CTBP2: variants seen among roughly 807,000 people sequenced by gnomAD.
The protein encoded by CTBP2 is C-terminal binding protein 2.
CTBP2 carries 30 observed loss-of-function variants against 80.3 expected under a neutral mutation model. The ratio of observed to expected loss-of-function variants is 0.37; its 90% CI spans 0.28 to 0.51. The LOEUF (loss-of-function observed/expected upper bound fraction) is 0.51, where lower values mean the gene tolerates loss of function less well. CTBP2 is among the 20% of genes least tolerant of loss of function. The pLI, the probability that CTBP2 is intolerant of heterozygous loss-of-function variation, is 0.93. For synonymous variants in CTBP2, 594 were observed against 587.4 expected (o/e 1.01, Z -0.16); for missense variants, 1,212 against 1,375.3 (o/e 0.88, Z 1.88).
chr10:125,033,269 C>T (rs1355017122), intron 3 of CTBP2, among the ~76,000 whole-genome samples: 1 of 152,212 alleles, frequency 6.6e-6, no homozygotes, highest in Non-Finnish European at 1.5e-5. Flanking sequence ...TCTTCACAGC[C>T]CAGCTGGGGT....
intron 3 of CTBP2, among the ~76,000 whole-genome samples, chr10:125,035,171 GA>G (rs1274896398): frequency 6.6e-6 from 1 of 152,222 alleles, no homozygotes; most frequent in Non-Finnish European, 1.5e-5. Context: ...CGACAAAGGT[GA>G]TGCAGAATGA....
intron 2 of CTBP2, among the ~76,000 whole-genome samples, chr10:125,046,886 T>C (rs1961391052): frequency 6.6e-6 from 1 of 152,240 alleles, no homozygotes; most frequent in African/African-American, 2.4e-5. Context: ...ATACATTTCC[T>C]CGTGTTAAAT....
chr10:125,021,295 C>T lies in CTBP2; in HGVS notation c.1678+4787G>A, dbSNP rs566679384. On this transcript the variant is annotated intron_variant, in intron 1 of 8. Coordinates refer to ENST00000309035, the MANE Select transcript of CTBP2 (RefSeq NM_022802.3). ...AGAAGCAGAGGAAACAGGTTCAAGA[C>T]CTACCCCCTTTGACAGACATGGAAA... is the stretch of plus-strand genomic sequence containing the variant. Among the ~76,000 whole-genome samples the T allele has an allele frequency of 2.2e-4, 34 of 152,338 alleles. 1 individual carries two copies. In the South Asian group the frequency reaches 7.0e-3, roughly 32 times the overall value.
chr10:125,076,757 A>C (rs893551295), intron 2 of CTBP2, among the ~76,000 whole-genome samples: 2 of 152,226 alleles, frequency 1.3e-5, no homozygotes, highest in African/African-American at 4.8e-5. Context: ...AGCAGGGGTT[A>C]ACAATTTTAT....
chr10:125,048,361 A>C (rs1374608444), intron 2 of CTBP2, among the ~76,000 whole-genome samples: 1 of 152,194 alleles, frequency 6.6e-6, no homozygotes, highest in Non-Finnish European at 1.5e-5. Flanking sequence ...GGAGAAAATA[A>C]GATCAGCTAC....
intron 2 of CTBP2, among the ~76,000 whole-genome samples, chr10:125,100,156 T>C (rs2135800489): frequency 6.6e-6 from 1 of 152,352 alleles, no homozygotes; most frequent in African/African-American, 2.4e-5. Flanking sequence ...TACTTCCATT[T>C]TCCCTTGACA....
intron 1 of CTBP2, among the ~76,000 whole-genome samples, chr10:125,121,373 G>A (rs1008446150): frequency 2.0e-5 from 3 of 152,184 alleles, no homozygotes; most frequent in African/African-American, 7.2e-5. Context: ...GTCCTGGAAA[G>A]AAAAGAGGCC....
intron 2 of CTBP2, 83 bp from the exon 3 acceptor site, chr10:125,039,238 T>C: frequency 3.7e-6 from 2 of 538,318 alleles, no homozygotes; most frequent in South Asian, 5.2e-5. Flanking sequence ...TAACTGCTAC[T>C]TTCTATAAGG....
Position 125,051,512 on chromosome 10 carries a change from C to T in CTBP2, c.-101-12357G>A, listed in dbSNP as rs1348289516. Among the ~76,000 whole-genome samples the T allele has an allele frequency of 2.0e-5, 3 of 152,030 alleles. No individual in the cohort carries two copies. The East Asian group carries it at 5.8e-4, about 29-fold the overall frequency. ...AAAATTAGCCAGGTGTGGTGGTGGG[C>T]ACCTGTAATCCCAGCTACTCAGGAG... On this transcript the variant is annotated intron_variant, in intron 2 of 10. Coordinates refer to the CTBP2 transcript ENST00000337195.
At chr10:125,006,972 A>C (rs1955323256) in intron 1 of CTBP2, among the ~76,000 whole-genome samples, 1 of 152,146 alleles carries the variant, frequency 6.6e-6, no homozygotes. Flanking sequence ...TGTTCTTCCC[A>C]CTTCACAGCC....
At chr10:124,994,108 C>A in intron 5 of CTBP2, 123 bp from the exon 8 acceptor site, 2 of 1,339,160 alleles carry the variant, frequency 1.5e-6, no homozygotes, top group South Asian at 2.7e-5. Context: ...GTGTGTGCTG[C>A]AGTTTGAGGG....
chr10:124,985,360 T>TTA lies in CTBP2; in HGVS notation c.*4156_*4157dup, dbSNP rs906790643. The stretch of plus-strand genomic sequence containing the variant: ...AGAAAATTTTTTCCAGCATGGGCAC[T>TTA]TAGAAAAAGCACATGGCAAATGGCT... On this transcript the variant is annotated 3_prime_UTR_variant, in exon 9 of 9. Coordinates refer to ENST00000309035, the MANE Select transcript of CTBP2 (RefSeq NM_022802.3). The TTA allele has an allele frequency of 1.7e-5, 3 of 171,432 alleles. No individual in the cohort carries two copies. The highest frequency in any genetic ancestry group is 7.1e-5 in the African/African-American group (3 of 41,970). The allele number at this position is 171,432 out of a possible 1,614,324, so 10.6% of individuals were successfully genotyped here. A position where few individuals can be genotyped will look rare whatever the true frequency, so the allele number is the denominator to read the frequency against.
At chr10:125,060,490 G>A (rs1326671224) in intron 2 of CTBP2, among the ~76,000 whole-genome samples, 1 of 151,596 alleles carries the variant, frequency 6.6e-6, no homozygotes. Context: ...GTGTGTGTGT[G>A]TGTGTGTGTG....
At chr10:125,095,793 G>A (rs990922168) in intron 2 of CTBP2, among the ~76,000 whole-genome samples, 1 of 152,202 alleles carries the variant, frequency 6.6e-6, no homozygotes, top group African/African-American at 2.4e-5. Flanking sequence ...GTTTCTGTAG[G>A]AAGTAGTAGG....
intron 2 of CTBP2, among the ~76,000 whole-genome samples, chr10:125,076,367 TCAGCTCTGGCCCCTA>T (rs1420251199): frequency 6.6e-6 from 1 of 152,168 alleles, no homozygotes; most frequent in East Asian, 1.9e-4. Flanking sequence ...CATCGCCCAG[TCAGCTCTGGCCCCTA>T]CACACCATGG....
At chr10:125,140,442 G>C (rs145531896) in intron 1 of CTBP2, among the ~76,000 whole-genome samples, 1 of 152,240 alleles carries the variant, frequency 6.6e-6, no homozygotes, top group East Asian at 1.9e-4. Flanking sequence ...TTCGGGCAAC[G>C]ACCAGAAAAT....
chr10:125,087,160 C>T (rs529354149), intron 2 of CTBP2, among the ~76,000 whole-genome samples: 3 of 151,522 alleles, frequency 2.0e-5, no homozygotes, highest in Admixed American at 1.3e-4. Flanking sequence ...CTGCAACTTC[C>T]AACTCCTGGG....
chr10:125,014,323 G>T (rs879543867), intron 1 of CTBP2, among the ~76,000 whole-genome samples: 2 of 152,178 alleles, frequency 1.3e-5, no homozygotes, highest in Admixed American at 6.5e-5. Context: ...GTGGTGCCAC[G>T]TGCCTGTAGT....
intron 2 of CTBP2, among the ~76,000 whole-genome samples, chr10:125,098,655 GGGGAGAGA>G (rs1849941759): frequency 1.7e-3 from 43 of 24,822 alleles, no homozygotes; most frequent in Middle Eastern, 0.028. Flanking sequence ...AATGGGGGAG[GGGGAGAGA>G]GAGAGAGAGA....
Sources: allele counts gnomAD v4.1 joint callset (sites outside exome capture counted in the v4.1 genomes callset), GRCh38; gene constraint gnomAD v4.1.1; transcripts MANE v1.5; gene names NCBI Gene and HGNC (gene_info 2026-07-23, HGNC 2026-07-21).